The following KATNAL2 variants were observed in gnomAD, a reference collection of about 807,000 sequenced individuals.
KATNAL2 encodes the protein katanin catalytic subunit A1 like 2.
A neutral mutation model predicts 76.3 loss-of-function variants in KATNAL2; 52 were observed. The observed-to-expected ratio is 0.68, with a 90% confidence interval of 0.55 to 0.86. KATNAL2 has a LOEUF of 0.86. KATNAL2 is among the 40% of genes least tolerant of loss of function. The pLI, the probability that KATNAL2 is intolerant of heterozygous loss-of-function variation, is 0.00. For missense variants in KATNAL2, 660 were observed against 668.9 expected (o/e 0.99, Z 0.15); for synonymous variants, 243 against 244.2 (o/e 1.00, Z 0.05).
At chr18:47,040,460 G>A (rs908973181) in intron 3 of KATNAL2, among the ~76,000 whole-genome samples, 13 of 152,178 alleles carry the variant, frequency 8.5e-5, no homozygotes, top group African/African-American at 3.1e-4. Flanking sequence ...AAGAGCATTG[G>A]CCTAGAAGCC....
chr18:46,940,940 A>G (rs984408434), intron 1 of KATNAL2, among the ~76,000 whole-genome samples: 1 of 152,130 alleles, frequency 6.6e-6, no homozygotes, highest in South Asian at 2.1e-4. Flanking sequence ...TGGGAGGATC[A>G]CTTGAACCCA....
chr18:46,940,384 T>C (rs762315710), intron 1 of KATNAL2, among the ~76,000 whole-genome samples: 1 of 152,250 alleles, frequency 6.6e-6, no homozygotes, highest in Non-Finnish European at 1.5e-5. Flanking sequence ...CAACAATCTT[T>C]GGCAGAGAGG....
rs2060525967 is a variant in KATNAL2, at chr18:47,032,636, C to T, written c.52-13821C>T. On this transcript the variant is annotated intron_variant, in intron 3 of 17. Coordinates refer to ENST00000683218, the MANE Select transcript of KATNAL2 (RefSeq NM_001387690.1). ...CAACTAATGGCTTGTGTGTTTTTGT[C>T]TAAGAAGTTCTTATCTACTTGATTT... 3.2e-5 allele frequency: 10 copies of T among 314,922 alleles called. No homozygotes were observed. In the South Asian group the frequency reaches 3.4e-4, roughly 11 times the overall value. The allele number at this position is 314,922 out of a possible 1,614,324, so 19.5% of individuals were successfully genotyped here.
At chr18:47,072,204 C>T (rs1788000888) in intron 13 of KATNAL2, among the ~76,000 whole-genome samples, 1 of 151,856 alleles carries the variant, frequency 6.6e-6, no homozygotes, top group African/African-American at 2.4e-5. Flanking sequence ...GATCTGCCTA[C>T]CTTGGCCTCC....
At chr18:47,079,019 A>T (rs551039476) in intron 15 of KATNAL2, among the ~76,000 whole-genome samples, 1 of 152,228 alleles carries the variant, frequency 6.6e-6, no homozygotes, top group South Asian at 2.1e-4. Flanking sequence ...ATTCCCAAAA[A>T]CACTAAGGAA....
intron 3 of KATNAL2, among the ~76,000 whole-genome samples, chr18:46,958,976 G>A (rs1018072482): frequency 3.9e-5 from 6 of 152,076 alleles, no homozygotes; most frequent in South Asian, 4.1e-4. Flanking sequence ...ACAAAATATC[G>A]ACTGTGTTAG....
At chr18:46,921,877 A>C (rs115995524) in intron 1 of KATNAL2, among the ~76,000 whole-genome samples, 362 of 152,128 alleles carry the variant, frequency 2.4e-3, no homozygotes, top group African/African-American at 8.3e-3. Flanking sequence ...ACTGATTTTA[A>C]TATCTCTCTT....
At chr18:47,059,466 A>G in intron 7 of KATNAL2, 90 bp from the exon 8 acceptor site, 3 of 856,766 alleles carry the variant, frequency 3.5e-6, no homozygotes, top group Non-Finnish European at 4.0e-6. Flanking sequence ...GCTATCCAGC[A>G]TCGGACTTTG....
intron 1 of KATNAL2, among the ~76,000 whole-genome samples, chr18:46,923,429 C>T (rs1311127524): frequency 6.6e-6 from 1 of 151,972 alleles, no homozygotes. Flanking sequence ...CATAGTATTC[C>T]ATGGTGTATA....
chr18:47,041,665 C>T (rs996468570), intron 3 of KATNAL2, among the ~76,000 whole-genome samples: 2 of 152,136 alleles, frequency 1.3e-5, no homozygotes, highest in Non-Finnish European at 1.5e-5. Flanking sequence ...TATAAACATC[C>T]CTGTGCCAGT....
intron 4 of KATNAL2, among the ~76,000 whole-genome samples, chr18:47,049,503 C>T (rs2061274273): frequency 6.6e-6 from 1 of 152,162 alleles, no homozygotes; most frequent in African/African-American, 2.4e-5. Flanking sequence ...GTGTGCAGCA[C>T]TTGGAGCAGT....
In KATNAL2 at chr18:47,101,866, A is replaced by G. The variant is rs1319403044; in HGVS notation, c.*861A>G. On this transcript the variant is annotated 3_prime_UTR_variant, in exon 18 of 18. Transcript: ENST00000683218. ...TAAGGGGTTATAAACAACTAGACGC[A>G]TCTCTCTCAGAAACCCACAATCCGA... 6.6e-6 allele frequency: 1 copy of G among 152,152 alleles called. No homozygotes were observed. Among genetic ancestry groups the G allele is most frequent in the Non-Finnish European group, 1.5e-5 (1 of 68,040 alleles). 9.4% of individuals were successfully genotyped at this position (152,152 alleles called of 1,614,324 possible).
chr18:47,094,448 T>C, intron 15 of KATNAL2, among the ~76,000 whole-genome samples: 1 of 152,228 alleles, frequency 6.6e-6, no homozygotes, highest in Non-Finnish European at 1.5e-5. Context: ...TTCTCCAAGA[T>C]TCTTTTTATT....
intron 17 of KATNAL2, 70 bp downstream of exon 17, chr18:47,100,426 C>G (rs1485321307): frequency 5.5e-6 from 7 of 1,269,134 alleles, no homozygotes; most frequent in East Asian, 2.4e-5. Context: ...GCAGATGGAG[C>G]CTGGCGCCTG....
chr18:47,079,664 TC>T (rs1463694079), intron 15 of KATNAL2, among the ~76,000 whole-genome samples: 2 of 152,170 alleles, frequency 1.3e-5, no homozygotes, highest in Non-Finnish European at 2.9e-5. Flanking sequence ...CTTTTTTTTT[TC>T]TTTTCCTCCA....
At chr18:46,942,427 C>T (rs1335546545) in intron 1 of KATNAL2, among the ~76,000 whole-genome samples, 3 of 152,038 alleles carry the variant, frequency 2.0e-5, no homozygotes, top group Non-Finnish European at 4.4e-5. Context: ...CCATCTTGGC[C>T]AACATGGAGA....
intron 3 of KATNAL2, among the ~76,000 whole-genome samples, chr18:46,947,678 G>T (rs537609744): frequency 1.3e-5 from 2 of 152,186 alleles, no homozygotes; most frequent in Non-Finnish European, 2.9e-5. Context: ...TGAGTTCTAT[G>T]CATCAGTATT....
chr18:47,077,345 C>T lies in KATNAL2; in HGVS notation c.1101-6C>T. ...CTTAGGAGAATCACGTCTTGTCTCT[C>T]TGTAGGGGAGAACATGAAGGAAGCC... On this transcript the variant is annotated splice_polypyrimidine_tract_variant and splice_region_variant and intron_variant, in intron 14 of 17. Transcript: ENST00000683218. 1 of 1,608,734 alleles carries T rather than the reference C, an allele frequency of 6.2e-7. No individual in the cohort carries two copies. Among genetic ancestry groups the T allele is most frequent in the Non-Finnish European group, 8.5e-7 (1 of 1,175,172 alleles).
chr18:47,047,638 C>A (rs763297474), intron 4 of KATNAL2, among the ~76,000 whole-genome samples: 5 of 152,128 alleles, frequency 3.3e-5, no homozygotes, highest in African/African-American at 4.8e-5. Context: ...GTTTGAAGGG[C>A]ACTATCTACT....
Sources: allele counts gnomAD v4.1 joint callset (sites outside exome capture counted in the v4.1 genomes callset), GRCh38; gene constraint gnomAD v4.1.1; transcripts MANE v1.5; gene names NCBI Gene and HGNC (gene_info 2026-07-23, HGNC 2026-07-21).